Variants in UTRN observed in about 807,000 individuals in gnomAD.
The protein encoded by UTRN is dystrophin-related protein 1.
In UTRN, 283 loss-of-function variants were observed where a neutral mutation model predicts 463.9. The observed-to-expected ratio is 0.61, with a 90% CI of 0.55 to 0.67. The LOEUF is 0.67. Ranked by LOEUF, UTRN falls within the 30% of genes least tolerant of loss-of-function variation. UTRN has a pLI of 0.00. For synonymous variants in UTRN, 1,442 were observed against 1,431.5 expected, an observed-to-expected ratio of 1.01 and a Z score of -0.17; for missense variants, 3,922 against 4,084.3, an observed-to-expected ratio of 0.96 and a Z score of 1.08.
Position 144,799,407 on chromosome 6 carries a change from C to T in UTRN, c.9245+1417C>T, listed in dbSNP as rs1019926376. ...TGAAGTAGAGTGAGCATTAGCCTGG[C>T]AGACAGCTAGGGTAATAGATGACTT... On this transcript the variant is annotated intron_variant, in intron 64 of 74. Coordinates refer to ENST00000367545, the MANE Select transcript of UTRN (RefSeq NM_007124.3). The T allele has an allele frequency of 6.4e-6, 3 of 470,674 alleles. No individual in the cohort carries two copies. In the Admixed American group the frequency reaches 7.1e-5, roughly 11 times the overall value. 29.2% of individuals were successfully genotyped at this position (470,674 alleles called of 1,614,324 possible).
intron 58 of UTRN, among the ~76,000 whole-genome samples, chr6:144,758,763 G>A (rs778687215): frequency 5.3e-5 from 8 of 152,004 alleles, no homozygotes; most frequent in Non-Finnish European, 8.8e-5. Flanking sequence ...AATTTACAAC[G>A]TGCTCTAGTG....
chr6:144,459,180 T>C lies in UTRN; in HGVS notation c.2533T>C (p.Leu845=). The change falls in exon 21 of 75, where the codon TTG becomes CTG. Residue 845 remains leucine, a synonymous_variant. Coordinates refer to ENST00000367545, the MANE Select transcript of UTRN (RefSeq NM_007124.3). Reference sequence around the variant, plus strand: ...CGTATTTTCTCTTCCTTAGCGGGAATTGACAAATCTTCTTGGCCTTCACCC... The same window carrying C: ...CGTATTTTCTCTTCCTTAGCGGGAACTGACAAATCTTCTTGGCCTTCACCC... ...PSLKDSCQRE[L]TNLLGLHPKI... is the part of the protein sequence containing the mutation. The C allele has an allele frequency of 6.2e-7, 1 of 1,610,644 alleles. No individual in the cohort carries two copies. The highest frequency in any genetic ancestry group is 8.5e-7 in the Non-Finnish European group (1 of 1,178,700).
Position 144,591,354 on chromosome 6 carries a change from T to G in UTRN, c.7479+14066T>G, listed in dbSNP as rs1393639412. 3.9e-5 allele frequency among the ~76,000 whole-genome samples: 6 copies of G among 152,112 alleles called. No individual in the cohort carries two copies. In the East Asian group the frequency reaches 1.2e-3, roughly 29 times the overall value. The stretch of plus-strand genomic sequence containing the variant: ...TTGTTATTTTCTCTGAGTCTCAGCT[T>G]GAGGAAATGCAAGAAAAAACTTCCC... On this transcript the variant is annotated intron_variant, in intron 51 of 74. Coordinates refer to ENST00000367545, the MANE Select transcript of UTRN (RefSeq NM_007124.3).
chr6:144,596,431 T>C (rs904015697), intron 51 of UTRN, among the ~76,000 whole-genome samples: 2 of 152,178 alleles, frequency 1.3e-5, no homozygotes, highest in African/African-American at 4.8e-5. Context: ...TTCCTGATTT[T>C]TTCAAGATCA....
intron 51 of UTRN, among the ~76,000 whole-genome samples, chr6:144,587,112 T>G (rs1002965722): frequency 1.3e-5 from 2 of 152,212 alleles, no homozygotes; most frequent in African/African-American, 4.8e-5. Flanking sequence ...CACAGTTGAT[T>G]CTTTTTCTCT....
intron 3 of UTRN, among the ~76,000 whole-genome samples, chr6:144,409,178 G>A (rs1308091956): frequency 6.6e-6 from 1 of 152,154 alleles, no homozygotes; most frequent in Non-Finnish European, 1.5e-5. Flanking sequence ...TGTTGTTGTT[G>A]CTGTTTGTTT....
intron 51 of UTRN, among the ~76,000 whole-genome samples, chr6:144,653,788 T>C (rs1779061733): frequency 6.6e-6 from 1 of 152,158 alleles, no homozygotes. Context: ...ATAGAATTTC[T>C]GAGTCAAAAG....
At chr6:144,308,966 C>A (rs73586980) in intron 2 of UTRN, among the ~76,000 whole-genome samples, 38 of 152,142 alleles carry the variant, frequency 2.5e-4, no homozygotes, top group Non-Finnish European at 4.1e-4. Flanking sequence ...TCAAATCAGG[C>A]AGACCCCCTA....
chr6:144,532,955 A>C (rs1797195885), intron 42 of UTRN, 130 bp from the exon 43 acceptor site: 1 of 482,448 alleles, frequency 2.1e-6, no homozygotes, highest in African/African-American at 2.0e-5. Flanking sequence ...TTTTTTTTCT[A>C]ACATAAAATA....
At chr6:144,561,208 TATATATA>T (rs1799841672) in intron 50 of UTRN, among the ~76,000 whole-genome samples, 26 of 3,344 alleles carry the variant, frequency 7.8e-3, no homozygotes, top group Non-Finnish European at 0.012. Context: ...AATAACATTA[TATATATA>T]TATATATATA....
Position 144,748,905 on chromosome 6 carries a change from C to G in UTRN, c.8208+391C>G, listed in dbSNP as rs12663053. Among the ~76,000 whole-genome samples the G allele has an allele frequency of 1.6e-3, 238 of 152,128 alleles. 2 individuals carry two copies. In the East Asian group the frequency reaches 0.038, roughly 24 times the overall value. On this transcript the variant is annotated intron_variant, in intron 55 of 74. Transcript: ENST00000367545. ...CTGAATTGTTTGTTTTGTATTGATT[C>G]CCAGAGCCTGGATTTTGCAGAATTG...
rs949606104 is a variant in UTRN at position 144,535,364 on chromosome 6, G to T, written c.6233+2104G>T. ...CTCAAAGTTCTGGAATTACAGGCAT[G>T]AGCCACTGAGCCTATCCTCTCTTAT... On this transcript the variant is annotated intron_variant, in intron 43 of 74. Transcript: ENST00000367545. 3.3e-5 allele frequency among the ~76,000 whole-genome samples: 5 copies of T among 152,180 alleles called. No homozygotes were observed. The East Asian group carries it at 9.6e-4, about 29-fold the overall frequency.
intron 73 of UTRN, among the ~76,000 whole-genome samples, chr6:144,843,263 T>C (rs1444328279): frequency 2.0e-5 from 3 of 152,038 alleles, no homozygotes; most frequent in Admixed American, 1.3e-4. Context: ...ATGGGAAATG[T>C]GTTTCAATAT....
chr6:144,677,814 C>G (rs796076027), intron 51 of UTRN, among the ~76,000 whole-genome samples: 1 of 152,304 alleles, frequency 6.6e-6, no homozygotes, highest in Middle Eastern at 3.4e-3. Flanking sequence ...GAGATGGTAT[C>G]TCATTGTGGT....
intron 65 of UTRN, among the ~76,000 whole-genome samples, chr6:144,816,474 A>G (rs1779087407): frequency 7.5e-6 from 1 of 134,118 alleles, no homozygotes; most frequent in Non-Finnish European, 1.6e-5. Context: ...TCATTAAGCC[A>G]TACTTTTTTG....
intron 2 of UTRN, among the ~76,000 whole-genome samples, chr6:144,366,130 T>C (rs1209249977): frequency 1.3e-5 from 2 of 152,224 alleles, no homozygotes; most frequent in Non-Finnish European, 2.9e-5. Context: ...AACAGCGTAA[T>C]CGTCACATGA....
At chr6:144,765,586 C>A (rs1386107276) in intron 58 of UTRN, among the ~76,000 whole-genome samples, 2 of 151,942 alleles carry the variant, frequency 1.3e-5, no homozygotes, top group Non-Finnish European at 2.9e-5. Flanking sequence ...GCTAATTGGA[C>A]TTTTTTTAGA....
chr6:144,680,978 A>G (rs1410982348), intron 52 of UTRN, among the ~76,000 whole-genome samples: 2 of 152,192 alleles, frequency 1.3e-5, no homozygotes, highest in Non-Finnish European at 2.9e-5. Context: ...TGTGGATGGA[A>G]TTGGGAGCCT....
chr6:144,483,484 C>A (rs890729219), intron 27 of UTRN, among the ~76,000 whole-genome samples: 2 of 152,150 alleles, frequency 1.3e-5, no homozygotes, highest in Non-Finnish European at 2.9e-5. Flanking sequence ...GCTCTGTCAC[C>A]TATGCTGGAG....
Sources: gnomAD v4.1 joint callset for allele counts (sites outside exome capture counted in the v4.1 genomes callset) on GRCh38, gnomAD v4.1.1 for gene constraint, MANE v1.5 for transcripts, NCBI Gene and HGNC (gene_info 2026-07-23, HGNC 2026-07-21) for gene names.